AHRR: variants seen among roughly 807,000 people sequenced by gnomAD.
AHRR encodes ahR repressor.
AHRR carries 28 observed loss-of-function variants against 44.0 expected under a neutral mutation model. The ratio of observed to expected loss-of-function variants is 0.64; its 90% CI spans 0.47 to 0.87. AHRR has a LOEUF of 0.87. AHRR is among the 40% of genes least tolerant of loss of function. The pLI is 0.00. For synonymous variants in AHRR, 434 were observed against 407.0 expected, an observed-to-expected ratio of 1.07 and a Z score of -0.80; for missense variants, 990 against 953.9, an observed-to-expected ratio of 1.04 and a Z score of -0.50.
At chr5:349,343 C>T (rs1014861888) in intron 2 of AHRR, among the ~76,000 whole-genome samples, 14 of 152,008 alleles carry the variant, frequency 9.2e-5, no homozygotes, top group African/African-American at 2.2e-4. Flanking sequence ...TTTGGGAGGC[C>T]GAGGCGGGAG....
At chr5:331,853 T>TTTCA (rs1214710539) in intron 1 of AHRR, among the ~76,000 whole-genome samples, 17 of 152,188 alleles carry the variant, frequency 1.1e-4, no homozygotes, top group African/African-American at 3.1e-4. Flanking sequence ...GATGGAACAG[T>TTTCA]TTCATCCCAA....
At chr5:397,472 A>ATGT in intron 4 of AHRR, among the ~76,000 whole-genome samples, 1 of 37,756 alleles carries the variant, frequency 2.6e-5, no homozygotes, top group Non-Finnish European at 4.7e-5. Context: ...GACCATCCAC[A>ATGT]TAGCCCCTGA....
Position 435,299 on chromosome 5 carries a change from C to G in AHRR, c.*465C>G. 5.5e-6 allele frequency: 1 copy of G among 182,808 alleles called. No individual in the cohort carries two copies. The highest frequency in any genetic ancestry group is 1.2e-5 in the Non-Finnish European group (1 of 86,168). The allele number at this position is 182,808 out of a possible 1,614,324, so 11.3% of individuals were successfully genotyped here. A position where few individuals can be genotyped will look rare whatever the true frequency, so the allele number is the denominator to read the frequency against. On this transcript the variant is annotated 3_prime_UTR_variant, in exon 11 of 11. Coordinates refer to ENST00000684583, the MANE Select transcript of AHRR (RefSeq NM_001377236.1). ...GGGTGACACACCTAGCTCAGCCCTCCCAGGCCACCTGCAGCTCCCAGCCTG... is the reference window on the plus strand; with the variant it reads ...GGGTGACACACCTAGCTCAGCCCTCGCAGGCCACCTGCAGCTCCCAGCCTG...
Position 325,192 on chromosome 5 carries a change from C to A in AHRR, c.-11+3373C>A, listed in dbSNP as rs185338787. Among the ~76,000 whole-genome samples the A allele has an allele frequency of 3.9e-3, 601 of 152,340 alleles. 6 individuals are homozygous for A. The highest frequency in any genetic ancestry group is 5.9e-3 in the Non-Finnish European group (401 of 68,032). On this transcript the variant is annotated intron_variant, in intron 1 of 10. Transcript: ENST00000684583. ...CTTCATCTTCCCAGCTGTCCCACCA[C>A]CCCCCGACCCGCTCTTGCCCTGTGG...
At chr5:428,169 G>A (rs1050036244) in intron 8 of AHRR, among the ~76,000 whole-genome samples, 163 bp downstream of exon 8, 1 of 152,242 alleles carries the variant, frequency 6.6e-6, no homozygotes, top group African/African-American at 2.4e-5. Context: ...GCAGCGATTA[G>A]ATGAAACAAT....
intron 5 of AHRR, among the ~76,000 whole-genome samples, chr5:416,799 T>C (rs1394428060): frequency 6.6e-6 from 1 of 152,234 alleles, no homozygotes; most frequent in Non-Finnish European, 1.5e-5. Context: ...TGGGCGGACA[T>C]GACGGTGTGG....
At chr5:401,953 G>A (rs775367303) in intron 4 of AHRR, among the ~76,000 whole-genome samples, 4 of 152,172 alleles carry the variant, frequency 2.6e-5, no homozygotes, top group African/African-American at 9.7e-5. Flanking sequence ...ACGCAGACAG[G>A]CCTGCACCAA....
chr5:418,999 G>A (rs1302407016), intron 5 of AHRR: 1 of 152,410 alleles, frequency 6.6e-6, no homozygotes, highest in Non-Finnish European at 1.5e-5. Context: ...GAGGGCTCCA[G>A]GTGAAGCAGC....
chr5:400,059 G>A (rs1007935852), intron 4 of AHRR, among the ~76,000 whole-genome samples: 3 of 151,992 alleles, frequency 2.0e-5, no homozygotes, highest in South Asian at 4.2e-4. Context: ...GTGCCCGCTC[G>A]CGTGACTAGC....
At position 437,546 on chromosome 5, in the gene AHRR, A is replaced by C. The variant is rs558674748; in HGVS notation, c.*2712A>C. Reference sequence around the variant, plus strand: ...GGCCCTTCAGTGTCATCAAAGGAGCACTGGGGCCTCCTTAAGCACAGACGG... The same window carrying C: ...GGCCCTTCAGTGTCATCAAAGGAGCCCTGGGGCCTCCTTAAGCACAGACGG... On this transcript the variant is annotated 3_prime_UTR_variant, in exon 11 of 11. Transcript: ENST00000684583. 2 of 152,346 alleles carry C rather than the reference A, an allele frequency of 1.3e-5. No individual in the cohort carries two copies. Among genetic ancestry groups the C allele is most frequent in the Non-Finnish European group, 2.9e-5 (2 of 68,078 alleles). The allele number at this position is 152,346 out of a possible 1,614,324, so 9.4% of individuals were successfully genotyped here.
At chr5:373,914 G>GCT (rs1743673704) in intron 3 of AHRR, among the ~76,000 whole-genome samples, 1 of 151,048 alleles carries the variant, frequency 6.6e-6, no homozygotes, top group Non-Finnish European at 1.5e-5. Context: ...GGCGCCGGCG[G>GCT]CTGCGGGGGA....
chr5:435,092 A>T lies in AHRR; in HGVS notation c.*258A>T. The T allele has an allele frequency of 1.9e-6, 1 of 521,398 alleles. No homozygotes were observed. Among genetic ancestry groups the T allele is most frequent in the Non-Finnish European group, 3.3e-6 (1 of 300,004 alleles). 32.3% of individuals were successfully genotyped at this position (521,398 alleles called of 1,614,324 possible). A position where few individuals can be genotyped will look rare whatever the true frequency, so the allele number is the denominator to read the frequency against. On this transcript the variant is annotated 3_prime_UTR_variant, in exon 11 of 11. Transcript: ENST00000684583. ...TGACAGCATTTCTCTTTGAGGAATT[A>T]AAATCTTTAGGAAAGTGATCATGGC...
rs1276779748 is a variant in AHRR, at chr5:421,463, T to A, written c.442-1266T>A. 6 of 512,630 alleles carry A rather than the reference T, an allele frequency of 1.2e-5. No individual in the cohort carries two copies. In the East Asian group the frequency reaches 1.7e-4, roughly 15 times the overall value. 31.8% of individuals were successfully genotyped at this position (512,630 alleles called of 1,614,324 possible). Reference sequence around the variant, plus strand: ...GTGCCGGCGATGCCCTGTGGCCTCATCTGGGTGGGGTCCCGCGGGGTGTTT... The same window carrying A: ...GTGCCGGCGATGCCCTGTGGCCTCAACTGGGTGGGGTCCCGCGGGGTGTTT... On this transcript the variant is annotated intron_variant, in intron 5 of 10. Transcript: ENST00000684583.
Position 422,748 on chromosome 5 carries a change from AC to A in AHRR, c.462del (p.Asn154LysfsTer64). On this transcript the variant is annotated frameshift_variant, in exon 6 of 11. Coordinates refer to ENST00000684583, the MANE Select transcript of AHRR (RefSeq NM_001377236.1). ...GFHQTDVMHQ[N>X]IYDYIHVDDR... ...TTTCAGACGGATGTAATGCACCAGA[AC>A]ATTTATGACTACATCCACGTGGACG... is the stretch of plus-strand genomic sequence containing the variant. The A allele has an allele frequency of 6.2e-7, 1 of 1,614,158 alleles. No homozygotes were observed.
rs1487473945 is a variant in AHRR, at chr5:370,347, A to G, written c.245-6263A>G. ...CCTGGATCCACAGTCAGGTCAGGCA[A>G]TTCTGGGGCGAGCAGGCGTCGGGGA... On this transcript the variant is annotated intron_variant, in intron 3 of 10. Transcript: ENST00000684583. The surrounding 1 kb of genome is among the most constrained non-coding windows in gnomAD (Gnocchi z 4.5). Among the ~76,000 whole-genome samples the G allele has an allele frequency of 6.6e-6, 1 of 152,138 alleles. No homozygotes were observed. Among genetic ancestry groups the G allele is most frequent in the African/African-American group, 2.4e-5 (1 of 41,444 alleles).
At chr5:402,834 G>A (rs1037952872) in intron 4 of AHRR, among the ~76,000 whole-genome samples, 2 of 152,180 alleles carry the variant, frequency 1.3e-5, no homozygotes, top group African/African-American at 4.8e-5. Context: ...AAAATGCTCT[G>A]TGTATACACC....
At chr5:415,642 G>GTC (rs1317450324) in intron 5 of AHRR, among the ~76,000 whole-genome samples, 6 of 146,794 alleles carry the variant, frequency 4.1e-5, no homozygotes, top group African/African-American at 1.3e-4. Context: ...AATCTGCCTG[G>GTC]TGGGGCGGGA....
chr5:432,346 T>C lies in AHRR; in HGVS notation c.909-117T>C. ...AGTGAACTATTGTTTCTGTCTTCAC[T>C]GCTCAGGTGTGACAGCAATACCTGT... On this transcript the variant is annotated intron_variant, in intron 8 of 10. Coordinates refer to ENST00000684583, the MANE Select transcript of AHRR (RefSeq NM_001377236.1). 5.4e-6 allele frequency: 5 copies of C among 932,884 alleles called. No individual in the cohort carries two copies. The South Asian group carries it at 5.6e-5, about 10-fold the overall frequency. 57.8% of individuals were successfully genotyped at this position (932,884 alleles called of 1,614,324 possible).
chr5:425,586 T>G (rs1422350239), intron 7 of AHRR, among the ~76,000 whole-genome samples: 2 of 152,238 alleles, frequency 1.3e-5, no homozygotes, highest in Non-Finnish European at 2.9e-5. Flanking sequence ...GGAATGTTGT[T>G]CGTTTTTTAA....
Sources: allele counts gnomAD v4.1 joint callset (sites outside exome capture counted in the v4.1 genomes callset), GRCh38; gene constraint gnomAD v4.1.1; non-coding constraint Gnocchi (gnomAD v3.1); transcripts MANE v1.5; gene names NCBI Gene and HGNC (gene_info 2026-07-23, HGNC 2026-07-21).